The following EML1 variants were observed in gnomAD, a reference collection of about 807,000 sequenced individuals.
The protein encoded by EML1 is EMAP like 1.
Under a neutral mutation model 110.4 loss-of-function variants are expected in EML1, and 27 were observed. The ratio of observed to expected loss-of-function variants is 0.24; its 90% CI spans 0.18 to 0.34. The LOEUF is 0.34. Among genes scored for constraint, EML1 ranks in the 10% least tolerant of loss-of-function variants. EML1 has a pLI of 1.00. For synonymous variants in EML1, 344 were observed against 385.8 expected (o/e 0.89, Z 1.27); for missense variants, 741 against 1,030.9 (o/e 0.72, Z 3.85).
intron 1 of EML1, among the ~76,000 whole-genome samples, chr14:99,751,887 G>T (rs2057179874): frequency 6.6e-6 from 1 of 152,172 alleles, no homozygotes; most frequent in Non-Finnish European, 1.5e-5. Context: ...CCCTGGGTGA[G>T]AAGGGAGCCA....
chr14:99,863,917 T>C (rs1430354952), intron 2 of EML1, among the ~76,000 whole-genome samples: 1 of 152,266 alleles, frequency 6.6e-6, no homozygotes, highest in African/African-American at 2.4e-5. Context: ...CAGACTGTCT[T>C]CCACAGTGGC....
intron 1 of EML1, among the ~76,000 whole-genome samples, chr14:99,795,091 C>T (rs984462126): frequency 6.6e-6 from 1 of 152,146 alleles, no homozygotes. Flanking sequence ...TCAGGTCTTA[C>T]AAATTTAATC....
At chr14:99,814,843 C>T (rs1471917877) in intron 1 of EML1, among the ~76,000 whole-genome samples, 9 of 151,856 alleles carry the variant, frequency 5.9e-5, no homozygotes, top group East Asian at 1.9e-4. Flanking sequence ...ATTCTTACAG[C>T]GACCTCGTGC....
At position 99,936,921 on chromosome 14, in the gene EML1, T is replaced by G. The variant is rs927741557; in HGVS notation, c.2095+587T>G. 6.6e-6 allele frequency among the ~76,000 whole-genome samples: 1 copy of G among 152,190 alleles called. No homozygotes were observed. The highest frequency in any genetic ancestry group is 2.4e-5 in the African/African-American group (1 of 41,446). On this transcript the variant is annotated intron_variant, in intron 19 of 21. Coordinates refer to ENST00000262233, the MANE Select transcript of EML1 (RefSeq NM_004434.3). The surrounding 1 kb of genome is among the most constrained non-coding windows in gnomAD (Gnocchi z 5.5). ...ACCAGGCACCTGCCACGTGCCCCAC[T>G]CTGGGCCACGCAGGGCGGCGCGTGG...
At chr14:99,845,229 A>G (rs2058689309) in intron 1 of EML1, among the ~76,000 whole-genome samples, 1 of 152,132 alleles carries the variant, frequency 6.6e-6, no homozygotes, top group Admixed American at 6.5e-5. Flanking sequence ...ATAATATCTC[A>G]TTGTAGTTTT....
chr14:99,776,623 A>C (rs2057485940), intron 1 of EML1, among the ~76,000 whole-genome samples: 1 of 152,228 alleles, frequency 6.6e-6, no homozygotes, highest in Non-Finnish European at 1.5e-5. Context: ...ACGTCAGTAA[A>C]AGTGCACAAA....
At chr14:99,851,097 A>G in intron 2 of EML1, 62 bp downstream of exon 2, 1 of 1,534,288 alleles carries the variant, frequency 6.5e-7, no homozygotes, top group East Asian at 2.3e-5. Context: ...ATCTTGCTCT[A>G]GCAAACACAT....
At chr14:99,841,185 A>G (rs1333004629) in intron 1 of EML1, among the ~76,000 whole-genome samples, 1 of 152,196 alleles carries the variant, frequency 6.6e-6, no homozygotes, top group African/African-American at 2.4e-5. Context: ...TAAGGCTAAC[A>G]TCACATTTCC....
intron 8 of EML1, among the ~76,000 whole-genome samples, chr14:99,900,141 G>A (rs1420026824): frequency 1.4e-5 from 2 of 146,686 alleles, no homozygotes; most frequent in Admixed American, 6.7e-5. Flanking sequence ...AATCTTATTT[G>A]TACATAATTG....
chr14:99,927,814 GGGTGGTGGTGGTGGTGGTATTGGT>G (rs1435400149), intron 17 of EML1, among the ~76,000 whole-genome samples: 2 of 51,752 alleles, frequency 3.9e-5, no homozygotes, highest in African/African-American at 1.0e-4. Context: ...GGGGGTGGGG[GGGTGGTGGTGGTGGTGGTATTGGT>G]GGTGGTGATG....
chr14:99,805,409 T>G (rs2057952738), intron 1 of EML1, among the ~76,000 whole-genome samples: 1 of 152,238 alleles, frequency 6.6e-6, no homozygotes, highest in African/African-American at 2.4e-5. Flanking sequence ...CTGTTAACAG[T>G]TGTAGTTCTT....
rs2060552888 is a variant in EML1 at position 99,939,849 on chromosome 14, AGC to A, written c.2323-137_2323-136del. The A allele has an allele frequency of 5.4e-6, 6 of 1,102,846 alleles. No individual in the cohort carries two copies. In the African/African-American group the frequency reaches 7.9e-5, roughly 15 times the overall value. The allele number at this position is 1,102,846 out of a possible 1,614,324, so 68.3% of individuals were successfully genotyped here. On this transcript the variant is annotated intron_variant, in intron 21 of 21. Coordinates refer to ENST00000262233, the MANE Select transcript of EML1 (RefSeq NM_004434.3). The surrounding 1 kb of genome is among the most constrained non-coding windows in gnomAD (Gnocchi z 4.2). ...TGTGTCCCTTCTGTGTCACACACAG[AGC>A]AGGTTCCCAAGTGAGAGCTGCCGAG...
rs553000505 is a variant in EML1 at position 99,900,253 on chromosome 14, ATCTT to A, written c.898-675_898-672del. ...GCCCAGGCTGGAGTGCAGTAGTGCA[ATCTT>A]GGCTCACTGCAACCTCCACCTCCCG... On this transcript the variant is annotated intron_variant, in intron 8 of 21. Transcript: ENST00000262233. Among the ~76,000 whole-genome samples the A allele has an allele frequency of 7.9e-3, 1,134 of 144,458 alleles. 10 individuals are homozygous for A. The highest frequency in any genetic ancestry group is 9.7e-3 in the Non-Finnish European group (648 of 67,040). 94.8% of individuals were successfully genotyped at this position (144,458 alleles called of 152,430 possible). A position where few individuals can be genotyped will look rare whatever the true frequency, so the allele number is the denominator to read the frequency against.
At chr14:99,830,403 A>G (rs2058429556) in intron 1 of EML1, among the ~76,000 whole-genome samples, 1 of 152,184 alleles carries the variant, frequency 6.6e-6, no homozygotes, top group African/African-American at 2.4e-5. Context: ...GCTACTTGAA[A>G]GGTGGACCCT....
chr14:99,749,450 C>G (rs1467550467), intron 1 of EML1, among the ~76,000 whole-genome samples: 1 of 152,214 alleles, frequency 6.6e-6, no homozygotes, highest in African/African-American at 2.4e-5. Context: ...GGCACCACCT[C>G]TTGGCTTTGC....
At chr14:99,824,268 C>G (rs865953749) in intron 1 of EML1, among the ~76,000 whole-genome samples, 1 of 152,204 alleles carries the variant, frequency 6.6e-6, no homozygotes, top group African/African-American at 2.4e-5. Context: ...CTCCATGCAT[C>G]ACCTCTAATC....
chr14:99,939,962 C>A lies in EML1; in HGVS notation c.2323-25C>A. 1.3e-6 allele frequency: 2 copies of A among 1,517,270 alleles called. No homozygotes were observed. Among genetic ancestry groups the A allele is most frequent in the Non-Finnish European group, 8.9e-7 (1 of 1,129,774 alleles). 94.0% of individuals were successfully genotyped at this position (1,517,270 alleles called of 1,614,324 possible). On this transcript the variant is annotated intron_variant, in intron 21 of 21. Coordinates refer to ENST00000262233, the MANE Select transcript of EML1 (RefSeq NM_004434.3). The surrounding 1 kb of genome is among the most constrained non-coding windows in gnomAD (Gnocchi z 4.2). Reference sequence around the variant, plus strand: ...ATGGTTCGCCTTGTAGTAAAGGAAGCTTTCCCCCGTATCATTCCCTCCAGG... The same window carrying A: ...ATGGTTCGCCTTGTAGTAAAGGAAGATTTCCCCCGTATCATTCCCTCCAGG...
chr14:99,771,466 A>G (rs940096456), upstream of EML1, among the ~76,000 whole-genome samples: 1 of 152,222 alleles, frequency 6.6e-6, no homozygotes, highest in African/African-American at 2.4e-5. Flanking sequence ...TTGCCTAATC[A>G]TTCATCAGCT....
intron 2 of EML1, among the ~76,000 whole-genome samples, chr14:99,855,670 TTTA>T (rs1381610707): frequency 2.3e-4 from 35 of 152,334 alleles, no homozygotes; most frequent in African/African-American, 8.4e-4. Flanking sequence ...CAGCTTCCCT[TTTA>T]AAGTACTTTA....
Sources: allele counts gnomAD v4.1 joint callset (sites outside exome capture counted in the v4.1 genomes callset), GRCh38; gene constraint gnomAD v4.1.1; non-coding constraint Gnocchi (gnomAD v3.1); transcripts MANE v1.5; gene names NCBI Gene and HGNC (gene_info 2026-07-23, HGNC 2026-07-21).